The following AFF3 variants were observed in gnomAD, a reference collection of about 807,000 sequenced individuals.
The protein encoded by AFF3 is ALF transcription elongation factor 3, also known as AF4/FMR2 family member 3.
A neutral mutation model predicts 129.7 loss-of-function variants in AFF3; 32 were observed. The observed-to-expected ratio is 0.25, with a 90% CI of 0.19 to 0.33. AFF3 has a LOEUF of 0.33. Ranked by LOEUF, AFF3 falls within the 10% of genes least tolerant of loss-of-function variation. The probability of loss-of-function intolerance (pLI) is 1.00; values close to 1 mark genes in which losing one functional copy is unlikely to be tolerated. For synonymous variants in AFF3, 644 were observed against 635.4 expected (o/e 1.01, Z -0.20); for missense variants, 1,373 against 1,592.0 (o/e 0.86, Z 2.34).
chr2:100,014,951 CTAAT>C (rs1384507823), intron 4 of AFF3, among the ~76,000 whole-genome samples: 1 of 134,864 alleles, frequency 7.4e-6, no homozygotes, highest in African/African-American at 3.2e-5. Flanking sequence ...ACCCAGCCAG[CTAAT>C]TTTTTTTTTT....
chr2:99,566,002 T>G (rs1675926356), intron 19 of AFF3, among the ~76,000 whole-genome samples: 1 of 152,254 alleles, frequency 6.6e-6, no homozygotes, highest in Non-Finnish European at 1.5e-5. Context: ...TGGTCCCATA[T>G]AAGAGTTTTC....
chr2:99,670,275 C>A (rs1223247132), intron 12 of AFF3, among the ~76,000 whole-genome samples: 1 of 152,100 alleles, frequency 6.6e-6, no homozygotes, highest in Non-Finnish European at 1.5e-5. Flanking sequence ...TGAGGAAGGG[C>A]AGGCAGGTAT....
chr2:99,921,415 T>C (rs1353629786), intron 7 of AFF3, among the ~76,000 whole-genome samples: 1 of 152,092 alleles, frequency 6.6e-6, no homozygotes, highest in South Asian at 2.1e-4. Flanking sequence ...GTATCCCAGA[T>C]TGGATCCTGG....
At chr2:99,671,626 A>G (rs1272622673) in intron 12 of AFF3, among the ~76,000 whole-genome samples, 1 of 152,176 alleles carries the variant, frequency 6.6e-6, no homozygotes, top group Non-Finnish European at 1.5e-5. Flanking sequence ...ATACCTTTCT[A>G]TTAATTCACT....
rs992810179 is a variant in AFF3 at position 100,006,930 on chromosome 2, C to T, written c.575G>A (p.Gly192Asp). ...AGGTGGCCTCTCCTGGGTCTGAAGG[C>T]CCACCTCCACATTGCACACTTGTTT... ...RAKQVCNVEV[G>D]LQTQERPPAM... Residue 192 changes from glycine (G) to aspartate (D), a missense_variant, in exon 7 of 25, where the codon GGC becomes GAC. By Grantham distance (94) the Gly-to-Asp change is moderately conservative. Transcript: ENST00000672756. 1.2e-6 allele frequency: 2 copies of T among 1,614,176 alleles called. No individual in the cohort carries two copies. Among genetic ancestry groups the T allele is most frequent in the South Asian group, 1.1e-5 (1 of 91,078 alleles).
At chr2:99,748,830 T>G (rs1169966409) in intron 9 of AFF3, among the ~76,000 whole-genome samples, 2 of 152,232 alleles carry the variant, frequency 1.3e-5, no homozygotes, top group African/African-American at 4.8e-5. Flanking sequence ...ATTATTACTT[T>G]CTTGACCCAA....
chr2:99,889,640 C>T (rs1179970676), intron 7 of AFF3, among the ~76,000 whole-genome samples: 1 of 152,092 alleles, frequency 6.6e-6, no homozygotes, highest in African/African-American at 2.4e-5. Context: ...GAAGAGGACA[C>T]TCAACCCCGG....
intron 12 of AFF3, among the ~76,000 whole-genome samples, chr2:99,670,674 G>C (rs1687076200): frequency 1.3e-5 from 2 of 152,124 alleles, no homozygotes; most frequent in African/African-American, 4.8e-5. Context: ...GATTAGACCA[G>C]GTTATAATTA....
chr2:99,943,927 TTG>T (rs1326561801), intron 7 of AFF3, among the ~76,000 whole-genome samples: 7 of 148,504 alleles, frequency 4.7e-5, no homozygotes, highest in Non-Finnish European at 8.9e-5. Context: ...TTTTTTTTTT[TTG>T]ATACAGGGTT....
chr2:100,008,745 A>C, intron 5 of AFF3, 67 bp downstream of exon 5: 1 of 1,559,206 alleles, frequency 6.4e-7, no homozygotes, highest in Non-Finnish European at 8.7e-7. Flanking sequence ...CTTTTAGTCA[A>C]GGCCACCGTC....
chr2:99,570,631 A>G (rs1377994668), intron 18 of AFF3, among the ~76,000 whole-genome samples: 1 of 152,084 alleles, frequency 6.6e-6, no homozygotes, highest in Non-Finnish European at 1.5e-5. Context: ...CCATCACATC[A>G]CCATCCTGCT....
intron 4 of AFF3, among the ~76,000 whole-genome samples, chr2:100,013,833 G>C (rs1682759269): frequency 6.6e-6 from 1 of 152,138 alleles, no homozygotes; most frequent in African/African-American, 2.4e-5. Flanking sequence ...TAGAATTGTG[G>C]AATGGAAGAT....
At chr2:99,647,034 G>C (rs1019946799) in intron 13 of AFF3, among the ~76,000 whole-genome samples, 1 of 152,214 alleles carries the variant, frequency 6.6e-6, no homozygotes, top group African/African-American at 2.4e-5. Flanking sequence ...AAAAACGAAT[G>C]CTTGTACACT....
intron 10 of AFF3, among the ~76,000 whole-genome samples, chr2:99,739,794 A>G (rs1026736641): frequency 2.0e-5 from 3 of 151,684 alleles, no homozygotes; most frequent in African/African-American, 7.3e-5. Context: ...GTATTTCTCT[A>G]TTTCTTTTTT....
At chr2:99,749,345 C>T (rs1389035710) in intron 9 of AFF3, among the ~76,000 whole-genome samples, 1 of 152,066 alleles carries the variant, frequency 6.6e-6, no homozygotes, top group African/African-American at 2.4e-5. Context: ...TTAATTTTAC[C>T]TCAGAAGTCA....
chr2:99,931,540 T>A (rs149953776), intron 7 of AFF3, among the ~76,000 whole-genome samples: 206 of 152,344 alleles, frequency 1.4e-3, no homozygotes, highest in African/African-American at 4.6e-3. Flanking sequence ...TTTCATTAAC[T>A]ACTTAAAACA....
At chr2:100,014,112 A>C (rs1021593288) in intron 4 of AFF3, among the ~76,000 whole-genome samples, 1 of 151,544 alleles carries the variant, frequency 6.6e-6, no homozygotes, top group South Asian at 2.1e-4. Context: ...AATCTGATGA[A>C]ATGCAGTTTG....
intron 7 of AFF3, among the ~76,000 whole-genome samples, chr2:99,928,816 T>G (rs1037153422): frequency 3.3e-5 from 5 of 152,048 alleles, no homozygotes; most frequent in African/African-American, 9.7e-5. Flanking sequence ...AATTTTATAA[T>G]CTCAACTCTA....
intron 1 of AFF3, among the ~76,000 whole-genome samples, chr2:100,132,815 G>C (rs1425334015): frequency 6.6e-6 from 1 of 151,584 alleles, no homozygotes; most frequent in African/African-American, 2.4e-5. Flanking sequence ...ATTTTTTCTT[G>C]TTTTGGATTA....
Sources: allele counts gnomAD v4.1 joint callset (sites outside exome capture counted in the v4.1 genomes callset), GRCh38; gene constraint gnomAD v4.1.1; transcripts MANE v1.5; gene names NCBI Gene and HGNC (gene_info 2026-07-23, HGNC 2026-07-21).